SOX5: variants seen among roughly 807,000 people sequenced by gnomAD.
SOX5 encodes transcription factor SOX-5.
Under a neutral mutation model 92.0 loss-of-function variants are expected in SOX5, and 9 were observed. That is an observed-to-expected ratio of 0.10 (90% CI 0.06 to 0.17). SOX5 has a LOEUF of 0.17. Ranked by LOEUF, SOX5 falls within the 10% of genes least tolerant of loss-of-function variation. SOX5 has a pLI of 1.00. For missense variants in SOX5, 642 were observed against 944.5 expected, an observed-to-expected ratio of 0.68 and a Z score of 4.20; for synonymous variants, 344 against 336.3, an observed-to-expected ratio of 1.02 and a Z score of -0.25.
chr12:23,806,793 T>G (rs1252401369), intron 3 of SOX5, among the ~76,000 whole-genome samples: 1 of 150,940 alleles, frequency 6.6e-6, no homozygotes, highest in African/African-American at 2.4e-5. Context: ...CTATAAACCC[T>G]CTAAACTTTT....
chr12:23,898,037 A>G (rs2097194957), intron 1 of SOX5, among the ~76,000 whole-genome samples: 1 of 152,190 alleles, frequency 6.6e-6, no homozygotes, highest in African/African-American at 2.4e-5. Flanking sequence ...CACACACTAA[A>G]TTGATATATT....
At chr12:24,154,879 T>C (rs1265343309) in intron 4 of SOX5, among the ~76,000 whole-genome samples, 1 of 152,124 alleles carries the variant, frequency 6.6e-6, no homozygotes, top group African/African-American at 2.4e-5. Context: ...GGGTATAAAC[T>C]TTATTTGGAA....
chr12:24,307,518 G>GAAGTTAGTTTGTA (rs1595425918), intron 2 of SOX5, among the ~76,000 whole-genome samples: 13 of 25,948 alleles, frequency 5.0e-4, no homozygotes, highest in South Asian at 2.4e-3. Context: ...AGGAAGGAAG[G>GAAGTTAGTTTGTA]CCGGCCCCCC....
At chr12:23,665,314 G>T in intron 7 of SOX5, 130 bp downstream of exon 7, 2 of 990,354 alleles carry the variant, frequency 2.0e-6, no homozygotes, top group Non-Finnish European at 3.1e-6. Context: ...CACACATTCT[G>T]TGTGTTTCCT....
intron 2 of SOX5, among the ~76,000 whole-genome samples, chr12:24,294,470 T>C (rs1024339389): frequency 6.6e-6 from 1 of 152,190 alleles, no homozygotes; most frequent in Non-Finnish European, 1.5e-5. Flanking sequence ...TGTTTCCACT[T>C]CTGGAACTCA....
At chr12:24,122,653 CA>C (rs1037865011) in intron 4 of SOX5, among the ~76,000 whole-genome samples, 1 of 152,154 alleles carries the variant, frequency 6.6e-6, no homozygotes, top group Non-Finnish European at 1.5e-5. Context: ...ATTTAAAAAA[CA>C]GTTGTAGCTT....
At chr12:24,292,688 A>G (rs1025119863) in intron 2 of SOX5, among the ~76,000 whole-genome samples, 23 of 152,358 alleles carry the variant, frequency 1.5e-4, no homozygotes, top group African/African-American at 5.5e-4. Context: ...CTTAGTTAAG[A>G]AAAGTTTCTT....
intron 4 of SOX5, among the ~76,000 whole-genome samples, chr12:24,210,126 T>C (rs1460021401): frequency 6.6e-6 from 1 of 151,858 alleles, no homozygotes; most frequent in East Asian, 1.9e-4. Context: ...GATGTTATCC[T>C]CTGTTATTTA....
chr12:24,081,618 T>A (rs1943339224), intron 4 of SOX5, among the ~76,000 whole-genome samples: 1 of 151,964 alleles, frequency 6.6e-6, no homozygotes, highest in African/African-American at 2.4e-5. Context: ...AAAAATAACT[T>A]CAAAAACATT....
At chr12:23,589,877 C>T (rs1951280707) in intron 9 of SOX5, among the ~76,000 whole-genome samples, 1 of 151,864 alleles carries the variant, frequency 6.6e-6, no homozygotes, top group Non-Finnish European at 1.5e-5. Context: ...AAGTATTGTG[C>T]TTGGTGCTAA....
chr12:24,282,907 C>T (rs1945388509), intron 2 of SOX5, among the ~76,000 whole-genome samples: 1 of 152,196 alleles, frequency 6.6e-6, no homozygotes, highest in Non-Finnish European at 1.5e-5. Context: ...CCTGTGTAGA[C>T]AGCTTTACCT....
chr12:24,026,871 T>C (rs939465021), intron 4 of SOX5, among the ~76,000 whole-genome samples: 3 of 151,990 alleles, frequency 2.0e-5, no homozygotes, highest in Non-Finnish European at 2.9e-5. Flanking sequence ...ACAGTAGTAA[T>C]GAAGCATTTA....
chr12:23,896,047 AAAT>A, intron 1 of SOX5, 23 bp from the exon 2 acceptor site: 1 of 1,495,602 alleles, frequency 6.7e-7, no homozygotes, highest in Non-Finnish European at 9.3e-7. Flanking sequence ...AAAGAGGAGA[AAAT>A]AATGAAACCT....
At chr12:23,815,125 G>A (rs921422110) in intron 3 of SOX5, among the ~76,000 whole-genome samples, 2 of 152,122 alleles carry the variant, frequency 1.3e-5, no homozygotes, top group Non-Finnish European at 2.9e-5. Flanking sequence ...TCACTTTAGA[G>A]TTGTAAGGAC....
chr12:23,763,679 G>T (rs545616495), intron 3 of SOX5, among the ~76,000 whole-genome samples: 1 of 151,522 alleles, frequency 6.6e-6, no homozygotes, highest in East Asian at 1.9e-4. Context: ...TTTGACAGTT[G>T]TCTTTCTAAC....
chr12:23,913,982 A>G (rs2097382822), intron 1 of SOX5, among the ~76,000 whole-genome samples: 1 of 152,164 alleles, frequency 6.6e-6, no homozygotes, highest in Admixed American at 6.5e-5. Flanking sequence ...TAACCCAGGT[A>G]AAGCTTTGGA....
chr12:24,166,009 C>T (rs761726288), intron 4 of SOX5, among the ~76,000 whole-genome samples: 1 of 151,856 alleles, frequency 6.6e-6, no homozygotes, highest in African/African-American at 2.4e-5. Context: ...AGAGATAGTA[C>T]AATAACCCAG....
intron 1 of SOX5, among the ~76,000 whole-genome samples, chr12:24,477,740 T>C (rs942561787): frequency 2.0e-5 from 3 of 152,244 alleles, no homozygotes; most frequent in African/African-American, 7.2e-5. Flanking sequence ...CTATTAAAAT[T>C]GAAGAGCTTG....
intron 4 of SOX5, among the ~76,000 whole-genome samples, chr12:24,079,645 G>C (rs1943085556): frequency 6.6e-6 from 1 of 151,766 alleles, no homozygotes; most frequent in Non-Finnish European, 1.5e-5. Context: ...GGTCCAATAT[G>C]TATACTAAGG....
Sources: allele counts gnomAD v4.1 joint callset (sites outside exome capture counted in the v4.1 genomes callset), GRCh38; gene constraint gnomAD v4.1.1; transcripts MANE v1.5; gene names NCBI Gene and HGNC (gene_info 2026-07-23, HGNC 2026-07-21).